Variants in CORIN observed in about 807,000 individuals in gnomAD.
CORIN encodes the protein corin, serine peptidase.
In CORIN, 117 loss-of-function variants were observed where a neutral mutation model predicts 125.3. The ratio of observed to expected loss-of-function variants is 0.93; its 90% CI spans 0.80 to 1.09. CORIN has a LOEUF of 1.09. CORIN is among the 50% of genes least tolerant of loss of function. The pLI is 0.00. For synonymous variants in CORIN, 450 were observed against 466.4 expected (o/e 0.96, Z 0.45); for missense variants, 1,253 against 1,306.7 (o/e 0.96, Z 0.63).
chr4:47,825,230 G>C (rs376131227), intron 1 of CORIN, among the ~76,000 whole-genome samples: 1 of 152,158 alleles, frequency 6.6e-6, no homozygotes, highest in Non-Finnish European at 1.5e-5. Flanking sequence ...GTAAGTGTCC[G>C]GATCAGCGAT....
At chr4:47,669,868 T>C (rs907167901) in intron 10 of CORIN, among the ~76,000 whole-genome samples, 1 of 152,122 alleles carries the variant, frequency 6.6e-6, no homozygotes, top group Non-Finnish European at 1.5e-5. Context: ...CGCACCCGGC[T>C]TCTTTATAAT....
intron 3 of CORIN, among the ~76,000 whole-genome samples, chr4:47,775,105 G>A (rs13127907): frequency 0.15 from 22,265 of 152,172 alleles, 2,132 homozygotes; most frequent in South Asian, 0.22. Flanking sequence ...ATTAGAGATA[G>A]GACAAGATGG....
At chr4:47,597,075 G>A (rs754849265) in intron 21 of CORIN, among the ~76,000 whole-genome samples, 43 of 152,090 alleles carry the variant, frequency 2.8e-4, no homozygotes, top group Non-Finnish European at 4.4e-4. Context: ...AATTAGGCCC[G>A]GCGTGCTAGC....
chr4:47,789,568 T>C (rs1447676269), intron 2 of CORIN, among the ~76,000 whole-genome samples: 1 of 152,214 alleles, frequency 6.6e-6, no homozygotes, highest in Non-Finnish European at 1.5e-5. Flanking sequence ...TTAAAGGACA[T>C]GTCTTTAAAA....
chr4:47,702,292 A>C (rs927015416), intron 5 of CORIN, among the ~76,000 whole-genome samples: 2 of 152,220 alleles, frequency 1.3e-5, no homozygotes, highest in African/African-American at 4.8e-5. Flanking sequence ...GGTTTCTATA[A>C]AAGAGTTAAA....
intron 3 of CORIN, among the ~76,000 whole-genome samples, chr4:47,778,778 G>A (rs1211850750): frequency 1.3e-5 from 2 of 152,140 alleles, no homozygotes; most frequent in African/African-American, 4.8e-5. Flanking sequence ...CTGAACAATG[G>A]GGGTCTAACA....
chr4:47,743,900 A>T (rs79298863), intron 5 of CORIN, among the ~76,000 whole-genome samples: 2 of 152,160 alleles, frequency 1.3e-5, no homozygotes, highest in Non-Finnish European at 2.9e-5. Flanking sequence ...AAAAAAAAAA[A>T]GACATGCACA....
chr4:47,788,636 T>C (rs1443215245), intron 2 of CORIN, among the ~76,000 whole-genome samples: 1 of 152,248 alleles, frequency 6.6e-6, no homozygotes, highest in Non-Finnish European at 1.5e-5. Context: ...TAGTAATTAA[T>C]CAATTACCTA....
chr4:47,687,563 C>T (rs565150575), intron 6 of CORIN, among the ~76,000 whole-genome samples: 1 of 152,132 alleles, frequency 6.6e-6, no homozygotes, highest in African/African-American at 2.4e-5. Context: ...ACTATTAATT[C>T]TTGTCTCTCA....
intron 12 of CORIN, among the ~76,000 whole-genome samples, chr4:47,660,565 A>G (rs548808521): frequency 2.6e-5 from 4 of 152,362 alleles, no homozygotes; most frequent in African/African-American, 9.6e-5. Flanking sequence ...ACAAACAGGT[A>G]TATGAAAAGG....
At chr4:47,702,997 C>A (rs1350026744) in intron 5 of CORIN, among the ~76,000 whole-genome samples, 1 of 151,856 alleles carries the variant, frequency 6.6e-6, no homozygotes, top group Admixed American at 6.6e-5. Context: ...TATACACATG[C>A]CATGGTGGTG....
At chr4:47,830,262 C>G (rs578082327) in intron 1 of CORIN, among the ~76,000 whole-genome samples, 1 of 151,920 alleles carries the variant, frequency 6.6e-6, no homozygotes, top group Admixed American at 6.5e-5. Flanking sequence ...ACAGGCTCAT[C>G]GGTTGAGTAC....
chr4:47,623,951 G>A lies in CORIN; in HGVS notation c.2316-3C>T. 4 of 1,611,954 alleles carry A rather than the reference G, an allele frequency of 2.5e-6. No homozygotes were observed. The highest frequency in any genetic ancestry group is 3.4e-6 in the Non-Finnish European group (4 of 1,178,198). On this transcript the variant is annotated splice_polypyrimidine_tract_variant and splice_region_variant and intron_variant, in intron 17 of 21. Coordinates refer to ENST00000273857, the MANE Select transcript of CORIN (RefSeq NM_006587.4). ...TACTTCTGCTCTCACAAGACTGCCT[G>A]GATTTGGAAACATAAAATGGTATAA...
intron 16 of CORIN, among the ~76,000 whole-genome samples, chr4:47,638,423 A>AATCTCATCT (rs1723110764): frequency 6.6e-6 from 1 of 152,146 alleles, no homozygotes; most frequent in South Asian, 2.1e-4. Context: ...TCTCCACCCA[A>AATCTCATCT]ATCTCATCTT....
intron 5 of CORIN, among the ~76,000 whole-genome samples, chr4:47,728,935 T>C (rs1055261652): frequency 1.3e-5 from 2 of 152,256 alleles, no homozygotes; most frequent in African/African-American, 4.8e-5. Context: ...TCTATATTTC[T>C]GTTTTAGGAA....
intron 13 of CORIN, among the ~76,000 whole-genome samples, chr4:47,652,140 T>C (rs1003587049): frequency 6.6e-6 from 1 of 152,228 alleles, no homozygotes; most frequent in Non-Finnish European, 1.5e-5. Context: ...TTGATTTATT[T>C]CTTTACAAAA....
At chr4:47,646,320 A>T (rs1312539567) in intron 13 of CORIN, among the ~76,000 whole-genome samples, 2 of 152,198 alleles carry the variant, frequency 1.3e-5, no homozygotes, top group East Asian at 3.8e-4. Flanking sequence ...AAACAAAACT[A>T]GTTTAAGAGC....
At chr4:47,701,632 C>T (rs1228588273) in intron 5 of CORIN, among the ~76,000 whole-genome samples, 1 of 151,908 alleles carries the variant, frequency 6.6e-6, no homozygotes, top group African/African-American at 2.4e-5. Context: ...ATTTCAAGTA[C>T]AGTCACAGTA....
At chr4:47,663,548 C>T (rs1333151614) in intron 11 of CORIN, among the ~76,000 whole-genome samples, 1 of 152,060 alleles carries the variant, frequency 6.6e-6, no homozygotes, top group African/African-American at 2.4e-5. Flanking sequence ...TTGAACAACA[C>T]TTCAGGATCA....
Sources: allele counts gnomAD v4.1 joint callset (sites outside exome capture counted in the v4.1 genomes callset), GRCh38; gene constraint gnomAD v4.1.1; transcripts MANE v1.5; gene names NCBI Gene and HGNC (gene_info 2026-07-23, HGNC 2026-07-21).